DAPK2: variants seen among roughly 807,000 people sequenced by gnomAD.
DAPK2 encodes death-associated protein kinase 2.
A neutral mutation model predicts 44.1 loss-of-function variants in DAPK2; 35 were observed. The ratio of observed to expected loss-of-function variants is 0.79; its 90% confidence interval spans 0.61 to 1.05. The LOEUF (loss-of-function observed/expected upper bound fraction) is 1.05. Among genes scored for constraint, DAPK2 ranks in the 50% least tolerant of loss-of-function variants. DAPK2 has a pLI of 0.00. For synonymous variants in DAPK2, 174 were observed against 182.6 expected (o/e 0.95, Z 0.38); for missense variants, 453 against 483.2 (o/e 0.94, Z 0.59).
At chr15:64,028,988 T>C (rs1018064122) in intron 1 of DAPK2, among the ~76,000 whole-genome samples, 13 of 152,276 alleles carry the variant, frequency 8.5e-5, no homozygotes, top group African/African-American at 2.9e-4. Context: ...TCTGGATATG[T>C]GGAAAGGTAC....
At chr15:63,940,428 C>T (rs1171315807) in intron 3 of DAPK2, among the ~76,000 whole-genome samples, 1 of 151,996 alleles carries the variant, frequency 6.6e-6, no homozygotes, top group Non-Finnish European at 1.5e-5. Context: ...GAATGAAGTA[C>T]TGCTGGGCGC....
At chr15:63,926,052 T>C in exon 7 of DAPK2, 2 of 1,613,668 alleles carry the variant, frequency 1.2e-6, no homozygotes, top group Non-Finnish European at 1.7e-6. Context: ...TGCCAGTGTT[T>C]CCTGCTTCGT....
intron 4 of DAPK2, among the ~76,000 whole-genome samples, chr15:63,933,537 C>G (rs2077037617): frequency 6.6e-6 from 1 of 152,088 alleles, no homozygotes; most frequent in Middle Eastern, 3.4e-3. Context: ...GCCACAGCGC[C>G]TGGCCTAAGA....
At chr15:63,977,295 C>T (rs141037622) in intron 2 of DAPK2, among the ~76,000 whole-genome samples, 1,570 of 152,258 alleles carry the variant, frequency 0.01, 8 homozygotes, top group Non-Finnish European at 0.015. Context: ...TGGGTGAGGC[C>T]GTCCTTTGCC....
intron 4 of DAPK2, among the ~76,000 whole-genome samples, chr15:63,933,742 G>C (rs2140404662): frequency 6.6e-6 from 1 of 151,944 alleles, no homozygotes; most frequent in African/African-American, 2.4e-5. Flanking sequence ...GGGACCACAG[G>C]CATGTGCCAC....
rs1036433233 is a variant in DAPK2 at position 64,024,350 on chromosome 15, T to C, written c.92+15820A>G. Among the ~76,000 whole-genome samples the C allele has an allele frequency of 1.4e-4, 22 of 152,256 alleles. 1 individual carries two copies. The highest frequency in any genetic ancestry group is 1.3e-3 in the Admixed American group (20 of 15,296). ...CAAGGGCCTAGGGCATGGAGGAAGA[T>C]GTGAGCATGCCCTGGGGAGGCTCAG... On this transcript the variant is annotated intron_variant, in intron 1 of 10. Coordinates refer to ENST00000261891, the Ensembl canonical transcript of DAPK2.
At position 63,971,589 on chromosome 15, in the gene DAPK2, G is replaced by A. The variant is rs200071847; in HGVS notation, c.315-28C>T. ...GTAAAACACCAGCGGGGGGAGGGGA[G>A]GCCCAGGCCCAGTCAGCTCTGCATG... is the stretch of plus-strand genomic sequence containing the variant. On this transcript the variant is annotated intron_variant, in intron 2 of 10. Coordinates refer to ENST00000261891, the Ensembl canonical transcript of DAPK2. The A allele has an allele frequency of 4.1e-4, 654 of 1,611,016 alleles. 1 individual carries two copies. In the African/African-American group the frequency reaches 6.7e-3, roughly 17 times the overall value.
At chr15:63,930,503 G>A (rs1395917291) in intron 4 of DAPK2, 48 bp from the exon 6 acceptor site, 8 of 1,586,902 alleles carry the variant, frequency 5.0e-6, no homozygotes, top group African/African-American at 2.7e-5. Context: ...AAAATGAGAG[G>A]AGAGATGGTT....
upstream of DAPK2, among the ~76,000 whole-genome samples, chr15:64,041,716 T>C (rs1313371342): frequency 6.6e-6 from 1 of 152,240 alleles, no homozygotes; most frequent in Non-Finnish European, 1.5e-5. Flanking sequence ...CACCATTATA[T>C]AAGGGCACAT....
chr15:63,930,304 G>GT (rs753714156), intron 5 of DAPK2, 103 bp downstream of exon 6: 7 of 1,133,392 alleles, frequency 6.2e-6, no homozygotes, highest in Non-Finnish European at 9.4e-6. Context: ...TGAGTGTGGA[G>GT]TAAGGGGCTT....
chr15:64,044,582 T>C (rs945944786), upstream of DAPK2, among the ~76,000 whole-genome samples: 16 of 152,274 alleles, frequency 1.1e-4, no homozygotes, highest in African/African-American at 3.9e-4. Context: ...CCCGCTCCTC[T>C]TCCCAGGGCT....
intron 1 of DAPK2, among the ~76,000 whole-genome samples, chr15:63,985,313 G>A (rs2078639028): frequency 6.6e-6 from 1 of 152,250 alleles, no homozygotes; most frequent in African/African-American, 2.4e-5. Context: ...TGACGCAGGT[G>A]GAGTGGAGCC....
chr15:63,926,675 T>C (rs1257650096), intron 6 of DAPK2, among the ~76,000 whole-genome samples: 1 of 152,176 alleles, frequency 6.6e-6, no homozygotes, highest in Non-Finnish European at 1.5e-5. Context: ...CTACATCTAC[T>C]ATCTCCTGAC....
chr15:63,930,476 TA>T, intron 4 of DAPK2, 21 bp from the exon 6 acceptor site: 1 of 1,612,970 alleles, frequency 6.2e-7, no homozygotes. Flanking sequence ...TCATATTAAA[TA>T]GTCAACATGA....
chr15:63,966,050 T>C lies in DAPK2; in HGVS notation c.453+5373A>G, dbSNP rs1595815859. Among the ~76,000 whole-genome samples the C allele has an allele frequency of 2.6e-5, 4 of 152,256 alleles. No homozygotes were observed. Among genetic ancestry groups the C allele is most frequent in the Non-Finnish European group, 1.5e-5 (1 of 68,048 alleles). ...AGCTGGGAATGTGCTGGGTCACACC[T>C]GAAGCCAGCATGTCTCTGAGTGCAC... On this transcript the variant is annotated intron_variant, in intron 3 of 10. Coordinates refer to ENST00000261891, the Ensembl canonical transcript of DAPK2. The surrounding 1 kb of genome is among the most constrained non-coding windows in gnomAD (Gnocchi z 5.5).
chr15:64,036,305 GTGTGTA>G (rs2080186889), intron 1 of DAPK2, among the ~76,000 whole-genome samples: 1 of 50,798 alleles, frequency 2.0e-5, no homozygotes, highest in African/African-American at 4.6e-5. Flanking sequence ...GTGTGTGTGT[GTGTGTA>G]TATATATGTA....
intron 7 of DAPK2, among the ~76,000 whole-genome samples, 186 bp from the exon 9 acceptor site, chr15:63,925,047 C>A (rs899653773): frequency 1.3e-5 from 2 of 152,182 alleles, no homozygotes; most frequent in African/African-American, 4.8e-5. Flanking sequence ...GGGAAGGAAG[C>A]AGTCCAGACA....
At chr15:64,030,407 C>T (rs2141138489) in intron 1 of DAPK2, among the ~76,000 whole-genome samples, 1 of 152,258 alleles carries the variant, frequency 6.6e-6, no homozygotes, top group South Asian at 2.1e-4. Flanking sequence ...ACCTGCCTCT[C>T]CTGTTTGTGG....
chr15:63,965,881 A>C (rs932008317), intron 3 of DAPK2, among the ~76,000 whole-genome samples: 2 of 152,112 alleles, frequency 1.3e-5, no homozygotes, highest in African/African-American at 2.4e-5. Flanking sequence ...GGGTAGGTCC[A>C]GAAATGCTGT....
Sources: gnomAD v4.1 joint callset for allele counts (sites outside exome capture counted in the v4.1 genomes callset) on GRCh38, gnomAD v4.1.1 for gene constraint, Gnocchi (gnomAD v3.1) non-coding constraint, MANE v1.5 for transcripts, NCBI Gene and HGNC (gene_info 2026-07-23, HGNC 2026-07-21) for gene names.